FBLN5: variants seen among roughly 807,000 people sequenced by gnomAD.
The protein encoded by FBLN5 is fibulin-5.
In FBLN5, 24 loss-of-function variants were observed where a neutral mutation model predicts 61.6. The ratio of observed to expected loss-of-function variants is 0.39; its 90% CI spans 0.28 to 0.55. The LOEUF (loss-of-function observed/expected upper bound fraction) is 0.55, where lower values mean the gene tolerates loss of function less well. Among genes scored for constraint, FBLN5 ranks in the 20% least tolerant of loss-of-function variants. The probability of loss-of-function intolerance (pLI) is 0.65; values close to 1 mark genes in which losing one functional copy is unlikely to be tolerated. For synonymous variants in FBLN5, 213 were observed against 219.8 expected (o/e 0.97, Z 0.27); for missense variants, 470 against 594.1 (o/e 0.79, Z 2.17).
rs183416787 is a variant in FBLN5, at chr14:91,944,983, C to T, written c.18-2022G>A. ...TGGTGGCTCCCACCTCTAATCCCAG[C>T]ACTTTGGGAGGCCGAGGTGGGTGGA... On this transcript the variant is annotated intron_variant, in intron 1 of 10. Coordinates refer to ENST00000342058, the MANE Select transcript of FBLN5 (RefSeq NM_006329.4). Among the ~76,000 whole-genome samples the T allele has an allele frequency of 1.3e-3, 204 of 152,322 alleles. 1 individual carries two copies. The highest frequency in any genetic ancestry group is 4.6e-3 in the African/African-American group (193 of 41,572).
At chr14:91,878,619 C>T (rs1189584395) in intron 9 of FBLN5, among the ~76,000 whole-genome samples, 4 of 152,216 alleles carry the variant, frequency 2.6e-5, no homozygotes, top group Non-Finnish European at 5.9e-5. Context: ...GAGTCCACAT[C>T]CAACCATCTC....
intron 4 of FBLN5, among the ~76,000 whole-genome samples, chr14:91,905,393 G>T (rs1890642224): frequency 6.6e-6 from 1 of 152,078 alleles, no homozygotes; most frequent in Non-Finnish European, 1.5e-5. Flanking sequence ...ACACAACAGG[G>T]TGTGTCATGA....
intron 8 of FBLN5, 75 bp from the exon 9 acceptor site, chr14:91,881,493 T>A: frequency 6.6e-7 from 1 of 1,523,848 alleles, no homozygotes; most frequent in Non-Finnish European, 9.1e-7. Context: ...TGGGGTAGGC[T>A]GGATCTTACT....
intron 4 of FBLN5, among the ~76,000 whole-genome samples, chr14:91,901,069 C>A (rs138145322): frequency 6.6e-6 from 1 of 152,336 alleles, no homozygotes; most frequent in African/African-American, 2.4e-5. Context: ...TCCATCTCCA[C>A]CTCTGCACCC....
intron 4 of FBLN5, among the ~76,000 whole-genome samples, chr14:91,931,470 C>T (rs181373778): frequency 5.9e-5 from 9 of 152,332 alleles, no homozygotes; most frequent in African/African-American, 1.2e-4. Flanking sequence ...AAGCCTCAGA[C>T]CAACACCACC....
At chr14:91,927,674 C>G (rs957331349) in intron 4 of FBLN5, among the ~76,000 whole-genome samples, 1 of 152,220 alleles carries the variant, frequency 6.6e-6, no homozygotes, top group Non-Finnish European at 1.5e-5. Flanking sequence ...CCCTGGCATT[C>G]GAGGCTATTT....
intron 5 of FBLN5, among the ~76,000 whole-genome samples, chr14:91,893,466 C>T (rs778630899): frequency 1.3e-5 from 2 of 152,162 alleles, no homozygotes; most frequent in African/African-American, 2.4e-5. Context: ...ACCTACTCAG[C>T]CTCAATCAAG....
chr14:91,873,067 A>G (rs1889013316), intron 10 of FBLN5, among the ~76,000 whole-genome samples: 1 of 152,226 alleles, frequency 6.6e-6, no homozygotes, highest in African/African-American at 2.4e-5. Context: ...TTTGGAAGTA[A>G]CTGCAGAAGC....
At chr14:91,946,826 A>G (rs545014141) in intron 1 of FBLN5, 28 of 1,530,192 alleles carry the variant, frequency 1.8e-5, no homozygotes, top group Middle Eastern at 1.7e-4. Context: ...CTGCTTGTCT[A>G]TCAGCCGATG....
intron 5 of FBLN5, among the ~76,000 whole-genome samples, chr14:91,891,995 G>GT (rs534651569): frequency 7.2e-4 from 109 of 152,332 alleles, no homozygotes; most frequent in African/African-American, 2.6e-3. Context: ...TTGCACCAGA[G>GT]TGAACATAAA....
At position 91,883,645 on chromosome 14, in the gene FBLN5, T is replaced by TAAAA. The variant is rs765183580; in HGVS notation, c.740-573_740-570dup. Among the ~76,000 whole-genome samples the TAAAA allele has an allele frequency of 3.2e-4, 26 of 80,054 alleles. 7 individuals carry two copies. The highest frequency in any genetic ancestry group is 8.2e-4 in the East Asian group (2 of 2,446). The allele number at this position is 80,054 out of a possible 152,430, so 52.5% of individuals were successfully genotyped here. On this transcript the variant is annotated intron_variant, in intron 7 of 10. Transcript: ENST00000342058. ...TTAATTATATTAAAACTTCACTGTG[T>TAAAA]AAAAAAAAAAACAAAAAAAACACAC... is the stretch of plus-strand genomic sequence containing the variant.
At chr14:91,909,888 C>A (rs567378374) in intron 4 of FBLN5, among the ~76,000 whole-genome samples, 1 of 152,066 alleles carries the variant, frequency 6.6e-6, no homozygotes, top group African/African-American at 2.4e-5. Flanking sequence ...TAGAAAAAAA[C>A]GTGTTGGTGA....
At position 91,887,294 on chromosome 14, in the gene FBLN5, G is replaced by A. The variant is rs934995025; in HGVS notation, c.638C>T (p.Thr213Ile). Residue 213 changes from threonine (T) to isoleucine (I), a missense_variant, in exon 7 of 11, where the codon ACC (threonine) becomes ATC (isoleucine). Transcript: ENST00000342058. ...RSCQDVNECATENPCVQTCVN... is the reference protein window; with the variant it reads ...RSCQDVNECAIENPCVQTCVN... ...GCAGGTTTGCACGCAGGGGTTCTCG[G>A]TGGCACACTCGTTCACATCTGTGGA... The A allele has an allele frequency of 2.5e-6, 4 of 1,613,424 alleles. No homozygotes were observed. The highest frequency in any genetic ancestry group is 2.7e-5 in the African/African-American group (2 of 74,966).
intron 4 of FBLN5, among the ~76,000 whole-genome samples, chr14:91,900,313 T>C (rs948924984): frequency 2.6e-5 from 4 of 152,330 alleles, no homozygotes; most frequent in Middle Eastern, 6.8e-3. Context: ...CAAATATAAA[T>C]AACATGCATA....
chr14:91,900,088 C>T (rs950547243), intron 4 of FBLN5, among the ~76,000 whole-genome samples: 3 of 152,218 alleles, frequency 2.0e-5, no homozygotes, highest in Admixed American at 6.5e-5. Context: ...CAGACAGCTT[C>T]GTGGGTATTA....
intron 4 of FBLN5, among the ~76,000 whole-genome samples, chr14:91,920,787 C>T (rs886184115): frequency 2.0e-5 from 3 of 152,172 alleles, no homozygotes; most frequent in Admixed American, 6.5e-5. Flanking sequence ...AATGGTAGCA[C>T]GAAGTATGGA....
intron 4 of FBLN5, among the ~76,000 whole-genome samples, chr14:91,931,399 C>G (rs2055920732): frequency 6.6e-6 from 1 of 152,202 alleles, no homozygotes. Context: ...ACAAAGCACT[C>G]TGTACACATT....
chr14:91,910,944 G>A (rs891218384), intron 4 of FBLN5, among the ~76,000 whole-genome samples: 11 of 151,930 alleles, frequency 7.2e-5, no homozygotes, highest in South Asian at 2.1e-4. Flanking sequence ...CTTTGGGGTC[G>A]GATCTGGTTC....
intron 5 of FBLN5, among the ~76,000 whole-genome samples, chr14:91,892,098 G>A (rs1890020910): frequency 6.6e-6 from 1 of 152,224 alleles, no homozygotes; most frequent in Non-Finnish European, 1.5e-5. Context: ...AGCAGAGCTG[G>A]GCAATGTGAC....
Sources: allele counts gnomAD v4.1 joint callset (sites outside exome capture counted in the v4.1 genomes callset), GRCh38; gene constraint gnomAD v4.1.1; transcripts MANE v1.5; gene names NCBI Gene and HGNC (gene_info 2026-07-23, HGNC 2026-07-21).